The following UBE2O variants were observed in gnomAD, a reference collection of about 807,000 sequenced individuals.
UBE2O encodes the protein (E3-independent) E2 ubiquitin-conjugating enzyme.
UBE2O carries 15 observed loss-of-function variants against 125.8 expected under a neutral mutation model. That is an observed-to-expected ratio of 0.12 (90% CI 0.08 to 0.18). UBE2O has a LOEUF of 0.18. UBE2O is among the 10% of genes least tolerant of loss of function. UBE2O has a pLI of 1.00. For synonymous variants in UBE2O, 708 were observed against 703.2 expected, an observed-to-expected ratio of 1.01 and a Z score of -0.11; for missense variants, 1,280 against 1,723.6, an observed-to-expected ratio of 0.74 and a Z score of 4.56.
At position 76,396,601 on chromosome 17, in the gene UBE2O, T is replaced by C. The variant is rs1328391189; in HGVS notation, c.2336A>G (p.Glu779Gly). The C allele has an allele frequency of 6.2e-7, 1 of 1,609,724 alleles. No homozygotes were observed. Residue 779 changes from glutamate (E) to glycine (G), a missense_variant, in exon 14 of 18, where the codon GAG becomes GGG. Physicochemically the swap from Glu to Gly is moderately conservative, Grantham distance 98 (BLOSUM62 -2). This residue lies in a region of UBE2O where 210 missense variants were observed against 268.9 expected (regional missense o/e 0.78). Coordinates refer to ENST00000319380, the MANE Select transcript of UBE2O (RefSeq NM_022066.4). This position sits in a 1 kb window ranked among gnomAD's most constrained non-coding sequence, Gnocchi z 6.7. ...PEDKGVVISE[E>G]AATAAVQGAV... ...CCCCTGGACGGCAGCTGTGGCTGCC[T>C]CTTCACTGATCACCACTCCCTTGTC...
chr17:76,399,656 T>C lies in UBE2O; in HGVS notation c.1421A>G (p.His474Arg), dbSNP rs2072281837. ...ATCATCTGCGTCCTGCTCTGCCGAG[T>C]GCAGCCTGTCATCTCTGCCTTCTTT... The part of the protein sequence containing the change: ...LLKEGRDDRL[H>R]SAEQDADDEA... Residue 474 changes from histidine to arginine, a missense_variant, in exon 9 of 18, where the codon CAC becomes CGC. Around this residue, in one of 10 missense-constraint regions of UBE2O, gnomAD observed 141 missense variants for 141.3 expected, o/e 1.00. Coordinates refer to ENST00000319380, the MANE Select transcript of UBE2O (RefSeq NM_022066.4). This position sits in a 1 kb window ranked among gnomAD's most constrained non-coding sequence, Gnocchi z 6.9. The C allele has an allele frequency of 1.2e-6, 2 of 1,614,160 alleles. No homozygotes were observed. The highest frequency in any genetic ancestry group is 1.7e-6 in the Non-Finnish European group (2 of 1,180,028).
Position 76,405,335 on chromosome 17 carries a change from A to G in UBE2O, c.478-19T>C, listed in dbSNP as rs770990450. ...GACTGTCCTGGGGGAGGGAGGAGAC[A>G]TGCAAGTCCCGTGGTGCAGCAGCCC... On this transcript the variant is annotated intron_variant, in intron 2 of 17. Coordinates refer to ENST00000319380, the MANE Select transcript of UBE2O (RefSeq NM_022066.4). This position sits in a 1 kb window ranked among gnomAD's most constrained non-coding sequence, Gnocchi z 6.1. 1.3e-6 allele frequency: 2 copies of G among 1,596,526 alleles called. No homozygotes were observed. Among genetic ancestry groups the G allele is most frequent in the East Asian group, 2.2e-5 (1 of 44,524 alleles).
rs561995704 is a variant in UBE2O at position 76,421,585 on chromosome 17, G to C, written c.418-16013C>G. Among the ~76,000 whole-genome samples the C allele has an allele frequency of 2.6e-5, 4 of 152,148 alleles. No homozygotes were observed. The East Asian group carries it at 7.7e-4, about 29-fold the overall frequency. On this transcript the variant is annotated intron_variant, in intron 1 of 17. Transcript: ENST00000319380. Reference sequence around the variant, plus strand: ...TCTCCATGTTGGTCAGGCTGGTCTTGAACTTCCGACCTCAGGTGATCCGCC... The same window carrying C: ...TCTCCATGTTGGTCAGGCTGGTCTTCAACTTCCGACCTCAGGTGATCCGCC...
At chr17:76,414,857 T>G (rs59151931) in intron 1 of UBE2O, among the ~76,000 whole-genome samples, 1 of 152,286 alleles carries the variant, frequency 6.6e-6, no homozygotes, top group East Asian at 1.9e-4. Flanking sequence ...CCCTCTGTCT[T>G]GGCTCTGGGC....
intron 1 of UBE2O, chr17:76,430,868 G>T: frequency 7.6e-6 from 3 of 397,322 alleles, no homozygotes; most frequent in South Asian, 2.1e-5. Flanking sequence ...TGCCAATTCG[G>T]GTTCTGCAGG....
chr17:76,400,339 G>C lies in UBE2O; in HGVS notation c.1005-42C>G. 6.2e-7 allele frequency: 1 copy of C among 1,606,658 alleles called. No homozygotes were observed. On this transcript the variant is annotated intron_variant, in intron 7 of 17. Transcript: ENST00000319380. This position sits in a 1 kb window ranked among gnomAD's most constrained non-coding sequence, Gnocchi z 4.3. Reference sequence around the variant, plus strand: ...TGGGGGTGAGCTGGGCTGGACTCCTGGGAGGCCAGCAGTGTTCTTAAGCCT... The same window carrying C: ...TGGGGGTGAGCTGGGCTGGACTCCTCGGAGGCCAGCAGTGTTCTTAAGCCT...
At chr17:76,419,282 T>TC (rs2072669111) in intron 1 of UBE2O, among the ~76,000 whole-genome samples, 2 of 47,910 alleles carry the variant, frequency 4.2e-5, no homozygotes, top group South Asian at 7.7e-4. Context: ...AGACCCTATC[T>TC]CAAAAAAAAA....
intron 1 of UBE2O, among the ~76,000 whole-genome samples, chr17:76,407,679 G>A (rs2072448759): frequency 6.6e-6 from 1 of 152,238 alleles, no homozygotes; most frequent in South Asian, 2.1e-4. Context: ...GGGAAACCGA[G>A]GTGTCAACTC....
chr17:76,398,668 C>T lies in UBE2O; in HGVS notation c.1784-84G>A, dbSNP rs1344337143. The stretch of plus-strand genomic sequence containing the variant: ...TCTCAAGCCAGTGCAGAGTGCAGAA[C>T]CCTGACCTTCCCCCGTCTTGGAAGT... On this transcript the variant is annotated intron_variant, in intron 10 of 17. Coordinates refer to ENST00000319380, the MANE Select transcript of UBE2O (RefSeq NM_022066.4). The surrounding 1 kb of genome is among the most constrained non-coding windows in gnomAD (Gnocchi z 5.4). 6.7e-7 allele frequency: 1 copy of T among 1,492,768 alleles called. No homozygotes were observed. Among genetic ancestry groups the T allele is most frequent in the Non-Finnish European group, 9.2e-7 (1 of 1,082,862 alleles). The allele number at this position is 1,492,768 out of a possible 1,614,324, so 92.5% of individuals were successfully genotyped here.
At chr17:76,406,692 G>GTTTTTTTTTTT (rs66834782) in intron 1 of UBE2O, among the ~76,000 whole-genome samples, 1 of 70,916 alleles carries the variant, frequency 1.4e-5, no homozygotes, top group Admixed American at 2.0e-4. Flanking sequence ...AGCCCAAGTT[G>GTTTTTTTTTTT]TTTTTTTTTT....
chr17:76,415,994 C>T (rs904497276), intron 1 of UBE2O, among the ~76,000 whole-genome samples: 2 of 150,928 alleles, frequency 1.3e-5, no homozygotes, highest in African/African-American at 4.9e-5. Context: ...TGCACATACA[C>T]GTATATACGT....
intron 1 of UBE2O, among the ~76,000 whole-genome samples, chr17:76,408,831 A>C (rs985830587): frequency 1.1e-4 from 16 of 152,198 alleles, no homozygotes; most frequent in African/African-American, 3.9e-4. Context: ...CCTACTGTTA[A>C]GGGGTGCCCT....
At position 76,405,124 on chromosome 17, in the gene UBE2O, G is replaced by C; in HGVS notation, c.588+82C>G. 9.4e-7 allele frequency: 1 copy of C among 1,059,224 alleles called. No homozygotes were observed. Among genetic ancestry groups the C allele is most frequent in the Non-Finnish European group, 1.4e-6 (1 of 716,996 alleles). The allele number at this position is 1,059,224 out of a possible 1,614,324, so 65.6% of individuals were successfully genotyped here. ...GAAGGCTGTGCTTGGCAAGAGCACG[G>C]AGGAGGCTGTAGCCCAGAGGTCGTG... On this transcript the variant is annotated intron_variant, in intron 3 of 17. Coordinates refer to ENST00000319380, the MANE Select transcript of UBE2O (RefSeq NM_022066.4). This position sits in a 1 kb window ranked among gnomAD's most constrained non-coding sequence, Gnocchi z 6.1.
intron 1 of UBE2O, among the ~76,000 whole-genome samples, chr17:76,415,840 T>TATGTATATACAAATATATATACATAC (rs1484506173): frequency 5.0e-4 from 75 of 150,698 alleles, no homozygotes; most frequent in Non-Finnish European, 9.6e-4. Context: ...CATACACATA[T>TATGTATATACAAATATATATACATAC]ATGTATATAC....
intron 1 of UBE2O, among the ~76,000 whole-genome samples, chr17:76,420,509 C>A (rs923764561): frequency 6.6e-6 from 1 of 152,164 alleles, no homozygotes; most frequent in African/African-American, 2.4e-5. Context: ...AGCAACCCTA[C>A]ATGCAGGCCA....
intron 1 of UBE2O, among the ~76,000 whole-genome samples, chr17:76,423,169 T>A (rs929160403): frequency 6.6e-6 from 1 of 150,906 alleles, no homozygotes; most frequent in Admixed American, 6.6e-5. Context: ...GAGGAAGAGG[T>A]AGGTGAGGGG....
rs759940694 is a variant in UBE2O, at chr17:76,392,118, G to A, written c.2947-5C>T. 5 of 610,656 alleles carry A rather than the reference G, an allele frequency of 8.2e-6. No homozygotes were observed. Among genetic ancestry groups the A allele is most frequent in the African/African-American group, 7.9e-5 (4 of 50,610 alleles). The allele number at this position is 610,656 out of a possible 1,614,324, so 37.8% of individuals were successfully genotyped here. On this transcript the variant is annotated splice_polypyrimidine_tract_variant and splice_region_variant and intron_variant, in intron 15 of 17. Coordinates refer to ENST00000319380, the MANE Select transcript of UBE2O (RefSeq NM_022066.4). Reference sequence around the variant, plus strand: ...GATGAGAGCTGAGAAGAGGTCCTAGGTAGGGAGGGAGGGAGGGAGGCCAAG... The same window carrying A: ...GATGAGAGCTGAGAAGAGGTCCTAGATAGGGAGGGAGGGAGGGAGGCCAAG...
chr17:76,398,321 G>A lies in UBE2O; in HGVS notation c.1959C>T (p.Phe653=). ...TGCGGATGACGATGTCAGTTGTACGGAACCTAAAGTCAGGGTGGTCAGCAA... is the reference window on the plus strand; with the variant it reads ...TGCGGATGACGATGTCAGTTGTACGAAACCTAAAGTCAGGGTGGTCAGCAA... The part of the protein sequence containing the change: ...YDIADHPDFR[F]RTTDIVIRIG... The change falls in exon 12 of 18, where the codon TTC becomes TTT. Residue 653 remains phenylalanine (F), a synonymous_variant. Coordinates refer to ENST00000319380, the MANE Select transcript of UBE2O (RefSeq NM_022066.4). The surrounding 1 kb of genome is among the most constrained non-coding windows in gnomAD (Gnocchi z 5.4). 1 of 1,614,174 alleles carries A rather than the reference G, an allele frequency of 6.2e-7. No individual in the cohort carries two copies. Among genetic ancestry groups the A allele is most frequent in the Non-Finnish European group, 8.5e-7 (1 of 1,180,028 alleles).
intron 1 of UBE2O, among the ~76,000 whole-genome samples, chr17:76,420,717 G>C: frequency 6.6e-6 from 1 of 152,210 alleles, no homozygotes; most frequent in East Asian, 1.9e-4. Context: ...AGGAGGAAGA[G>C]ACACAAGACG....
Sources: allele counts gnomAD v4.1 joint callset (sites outside exome capture counted in the v4.1 genomes callset), GRCh38; gene constraint gnomAD v4.1.1; regional missense constraint gnomAD v4.1.1; non-coding constraint Gnocchi (gnomAD v3.1); transcripts MANE v1.5; gene names NCBI Gene and HGNC (gene_info 2026-07-23, HGNC 2026-07-21).